SP4: variants seen among roughly 807,000 people sequenced by gnomAD.
SP4 encodes the protein Sp4 transcription factor.
Under a neutral mutation model 72.8 loss-of-function variants are expected in SP4, and 19 were observed. The ratio of observed to expected loss-of-function variants is 0.26; its 90% CI spans 0.18 to 0.38. SP4 has a LOEUF of 0.38. Ranked by LOEUF, SP4 falls within the 10% of genes least tolerant of loss-of-function variation. SP4 has a pLI of 1.00. For synonymous variants in SP4, 395 were observed against 333.1 expected, an observed-to-expected ratio of 1.19 and a Z score of -2.02; for missense variants, 1,008 against 926.3, an observed-to-expected ratio of 1.09 and a Z score of -1.14.
intron 5 of SP4, among the ~76,000 whole-genome samples, chr7:21,491,226 A>G (rs1404946255): frequency 6.6e-6 from 1 of 152,228 alleles, no homozygotes; most frequent in African/African-American, 2.4e-5. Context: ...AAACTATAAA[A>G]AAGAACTAAA....
intron 3 of SP4, among the ~76,000 whole-genome samples, chr7:21,439,918 T>TACATAAAA (rs1783185437): frequency 6.6e-6 from 1 of 152,178 alleles, no homozygotes; most frequent in Non-Finnish European, 1.5e-5. Flanking sequence ...TATGTCTCTC[T>TACATAAAA]GTATGTAAAA....
rs367911019 is a variant in SP4, at chr7:21,511,228, C to G, written c.2314C>G (p.Pro772Ala). The G allele has an allele frequency of 6.2e-7, 1 of 1,613,918 alleles. No individual in the cohort carries two copies. Among genetic ancestry groups the G allele is most frequent in the African/African-American group, 1.3e-5 (1 of 74,886 alleles). The change falls in exon 6 of 6, where the codon CCA (proline) becomes GCA (alanine). Residue 772 changes from proline to alanine, a missense_variant. Around this residue, in one of 3 missense-constraint regions of SP4, gnomAD observed 67 missense variants for 66.1 expected, o/e 1.01. Coordinates refer to ENST00000222584, the MANE Select transcript of SP4 (RefSeq NM_003112.5). ...TVAAISQDSNPATPNVSTNME... is the reference protein window; with the variant it reads ...TVAAISQDSNAATPNVSTNME... ...TGCAGCCATTTCTCAAGATTCGAAT[C>G]CAGCAACTCCCAATGTTTCAACCAA...
At chr7:21,466,991 T>C (rs1187843477) in intron 3 of SP4, among the ~76,000 whole-genome samples, 1 of 152,202 alleles carries the variant, frequency 6.6e-6, no homozygotes, top group Non-Finnish European at 1.5e-5. Context: ...TCATATGTTT[T>C]GTTATAGCTG....
intron 3 of SP4, among the ~76,000 whole-genome samples, chr7:21,457,355 G>A (rs181840741): frequency 1.0e-3 from 157 of 152,034 alleles, no homozygotes; most frequent in Non-Finnish European, 5.3e-4. Context: ...GTAATGGTTC[G>A]TTATACTACC....
chr7:21,458,181 G>A (rs927078341), intron 3 of SP4, among the ~76,000 whole-genome samples: 2 of 152,048 alleles, frequency 1.3e-5, no homozygotes, highest in Non-Finnish European at 2.9e-5. Context: ...TTCCTGTCAA[G>A]GTTTATGTCT....
intron 3 of SP4, among the ~76,000 whole-genome samples, chr7:21,437,077 T>G (rs1324232526): frequency 6.6e-6 from 1 of 152,218 alleles, no homozygotes; most frequent in Non-Finnish European, 1.5e-5. Flanking sequence ...CAGGCTAGTA[T>G]CAATAACTTA....
intron 3 of SP4, among the ~76,000 whole-genome samples, chr7:21,459,320 T>A (rs1439359023): frequency 6.6e-6 from 1 of 152,050 alleles, no homozygotes; most frequent in African/African-American, 2.4e-5. Flanking sequence ...AGGGTTTCAC[T>A]GTGTTAGCCA....
In SP4 at chr7:21,442,231, AG is replaced by A. The variant is rs1783283106; in HGVS notation, c.1678+11389del. 2.0e-5 allele frequency among the ~76,000 whole-genome samples: 3 copies of A among 151,256 alleles called. No homozygotes were observed. In the South Asian group the frequency reaches 6.3e-4, roughly 32 times the overall value. ...TTTTTGTATTTTTAGCAGAGAGGGG[AG>A]TTTCGCCATGTTGGCCAGGCTGGTC... is the stretch of plus-strand genomic sequence containing the variant. On this transcript the variant is annotated intron_variant, in intron 3 of 5. Transcript: ENST00000222584.
chr7:21,500,965 G>T (rs1388996897), intron 5 of SP4, among the ~76,000 whole-genome samples: 1 of 152,160 alleles, frequency 6.6e-6, no homozygotes, highest in Non-Finnish European at 1.5e-5. Context: ...TTTAATGGTG[G>T]TCTTGCAAGA....
intron 3 of SP4, among the ~76,000 whole-genome samples, chr7:21,437,935 TCA>T (rs1166715652): frequency 6.6e-6 from 1 of 151,182 alleles, no homozygotes; most frequent in Non-Finnish European, 1.5e-5. Context: ...CTAGCAATAA[TCA>T]AAGAACGGAG....
chr7:21,469,121 A>G (rs892840065), intron 3 of SP4, among the ~76,000 whole-genome samples: 3 of 152,214 alleles, frequency 2.0e-5, no homozygotes, highest in Admixed American at 1.3e-4. Context: ...ATAAATATCT[A>G]ACAGTACAGT....
At chr7:21,464,993 T>C (rs1221839506) in intron 3 of SP4, among the ~76,000 whole-genome samples, 2 of 152,226 alleles carry the variant, frequency 1.3e-5, no homozygotes, top group African/African-American at 4.8e-5. Context: ...GAGGGAAAAT[T>C]AGAAAATTTT....
chr7:21,503,670 C>T (rs972588644), intron 5 of SP4, among the ~76,000 whole-genome samples: 2 of 152,182 alleles, frequency 1.3e-5, no homozygotes, highest in African/African-American at 4.8e-5. Flanking sequence ...AAGGCTTCTA[C>T]CCAGCCTGAA....
chr7:21,499,746 A>G (rs767659463), intron 5 of SP4, among the ~76,000 whole-genome samples: 7 of 152,244 alleles, frequency 4.6e-5, no homozygotes, highest in Non-Finnish European at 7.3e-5. Flanking sequence ...ATTTTAATTT[A>G]TAAATATGGA....
intron 5 of SP4, among the ~76,000 whole-genome samples, chr7:21,483,124 A>C (rs1290554061): frequency 6.6e-6 from 1 of 152,084 alleles, no homozygotes; most frequent in East Asian, 1.9e-4. Context: ...TCAGGCCTTG[A>C]AAGTTTTTTT....
At chr7:21,496,630 A>G (rs567496342) in intron 5 of SP4, among the ~76,000 whole-genome samples, 8 of 152,168 alleles carry the variant, frequency 5.3e-5, no homozygotes, top group African/African-American at 1.9e-4. Flanking sequence ...TCTGCATTTA[A>G]CCTACTCGGA....
chr7:21,475,876 TTC>T (rs1435900861), intron 3 of SP4, among the ~76,000 whole-genome samples: 1 of 152,216 alleles, frequency 6.6e-6, no homozygotes, highest in Non-Finnish European at 1.5e-5. Flanking sequence ...GGTAGAAACA[TTC>T]TTTCATAAAT....
intron 3 of SP4, among the ~76,000 whole-genome samples, chr7:21,466,789 ATT>A (rs10540157): frequency 0.011 from 1,532 of 145,870 alleles, 20 homozygotes; most frequent in African/African-American, 0.036. Context: ...CAAATCTAGG[ATT>A]TTTTTTTTTT....
intron 5 of SP4, among the ~76,000 whole-genome samples, chr7:21,494,953 C>A (rs1209501330): frequency 6.6e-6 from 1 of 152,058 alleles, no homozygotes; most frequent in Non-Finnish European, 1.5e-5. Flanking sequence ...TCCAGAAATT[C>A]CCCTCCACAC....
Sources: allele counts gnomAD v4.1 joint callset (sites outside exome capture counted in the v4.1 genomes callset), GRCh38; gene constraint gnomAD v4.1.1; regional missense constraint gnomAD v4.1.1; transcripts MANE v1.5; gene names NCBI Gene and HGNC (gene_info 2026-07-23, HGNC 2026-07-21).